The following ERICH1 variants were observed in gnomAD, a reference collection of about 807,000 sequenced individuals.
The protein encoded by ERICH1 is glutamate-rich protein 1.
ERICH1 carries 56 observed loss-of-function variants against 39.6 expected under a neutral mutation model. The ratio of observed to expected loss-of-function variants is 1.41; its 90% CI spans 1.14 to 1.77. ERICH1 has a LOEUF of 1.77. ERICH1 is among the 40% of genes most tolerant of loss of function. ERICH1 has a pLI of 0.00. For synonymous variants in ERICH1, 313 were observed against 223.6 expected (o/e 1.40, Z -3.57); for missense variants, 826 against 575.4 (o/e 1.44, Z -4.45).
At position 731,194 on chromosome 8, in the gene ERICH1, G is replaced by A. The variant is rs890362756; in HGVS notation, c.-33C>T. On this transcript the variant is annotated 5_prime_UTR_variant, in exon 1 of 6. Transcript: ENST00000262109. ...CCTGCCGCGGACCTCAGACCACGGC[G>A]CGCGGTCCTGAGCTGAGCGCCGTGC... 3 of 1,487,020 alleles carry A rather than the reference G, an allele frequency of 2.0e-6. No homozygotes were observed. The highest frequency in any genetic ancestry group is 1.8e-6 in the Non-Finnish European group (2 of 1,120,746). The allele number at this position is 1,487,020 out of a possible 1,614,324, so 92.1% of individuals were successfully genotyped here.
chr8:657,686 G>A (rs913808480), intron 3 of ERICH1, among the ~76,000 whole-genome samples: 1 of 151,682 alleles, frequency 6.6e-6, no homozygotes, highest in East Asian at 1.9e-4. Flanking sequence ...TCAGCTGAAC[G>A]CCAGGGGCGC....
chr8:692,634 AC>A, intron 2 of ERICH1, 22 bp from the exon 3 acceptor site: 1 of 1,557,810 alleles, frequency 6.4e-7, no homozygotes, highest in Non-Finnish European at 8.7e-7. Flanking sequence ...GAGGAAAATA[AC>A]AGGAACTGGT....
At chr8:675,369 GCCCCTCGTGAGGACAGAGACGCGGCGC>G (rs1804505993) in intron 3 of ERICH1, among the ~76,000 whole-genome samples, 1 of 2,818 alleles carries the variant, frequency 3.5e-4, no homozygotes, top group African/African-American at 1.5e-3. Context: ...AGACGCGGCG[GCCCCTCGTGAGGACAGAGACGCGGCGC>G]CCCCTCGGCG....
At chr8:703,772 C>T (rs374730000) in intron 2 of ERICH1, among the ~76,000 whole-genome samples, 1 of 152,080 alleles carries the variant, frequency 6.6e-6, no homozygotes, top group African/African-American at 2.4e-5. Context: ...ATAAAAAATC[C>T]GGGAGAAGAT....
chr8:701,457 G>A (rs1200931995), intron 2 of ERICH1, among the ~76,000 whole-genome samples: 1 of 152,242 alleles, frequency 6.6e-6, no homozygotes, highest in Non-Finnish European at 1.5e-5. Context: ...CACGCCGTAG[G>A]ATGGGAGCAT....
chr8:636,022 A>T (rs1431384633), intron 3 of ERICH1, among the ~76,000 whole-genome samples: 2 of 152,224 alleles, frequency 1.3e-5, no homozygotes, highest in African/African-American at 2.4e-5. Context: ...TGCCAGGGCC[A>T]CCTGGTGCAA....
At chr8:667,645 C>G (rs146043398) in intron 5 of ERICH1, 1 of 153,258 alleles carries the variant, frequency 6.5e-6, no homozygotes, top group Admixed American at 6.5e-5. Flanking sequence ...GAAGGCAGCT[C>G]CTCCAGCACC....
intron 3 of ERICH1, among the ~76,000 whole-genome samples, chr8:637,850 G>C (rs553831099): frequency 5.3e-5 from 8 of 152,344 alleles, no homozygotes; most frequent in African/African-American, 9.6e-5. Context: ...CCGTGCGAGA[G>C]CACAGCAGCC....
intron 3 of ERICH1, among the ~76,000 whole-genome samples, chr8:619,261 C>T (rs889858608): frequency 3.3e-5 from 5 of 152,264 alleles, no homozygotes; most frequent in East Asian, 1.9e-4. Context: ...CGTGACCCAT[C>T]GCGCACAAGG....
At chr8:668,239 CAG>C (rs1430119939) in intron 5 of ERICH1, 3 of 318,546 alleles carry the variant, frequency 9.4e-6, no homozygotes, top group Non-Finnish European at 1.8e-5. Context: ...AATAAGGTAC[CAG>C]AGAGTTGGAG....
chr8:721,081 A>G (rs1334556370), intron 1 of ERICH1, among the ~76,000 whole-genome samples: 1 of 152,250 alleles, frequency 6.6e-6, no homozygotes, highest in East Asian at 1.9e-4. Flanking sequence ...ATGATCTCAA[A>G]TAGATGTCAA....
chr8:621,770 A>G (rs1370070514), intron 3 of ERICH1, among the ~76,000 whole-genome samples: 1 of 152,204 alleles, frequency 6.6e-6, no homozygotes, highest in Non-Finnish European at 1.5e-5. Context: ...TTATAAAATA[A>G]TGACCTTATA....
At chr8:630,962 C>A (rs1797995539) in intron 3 of ERICH1, among the ~76,000 whole-genome samples, 1 of 147,504 alleles carries the variant, frequency 6.8e-6, no homozygotes, top group East Asian at 2.1e-4. Flanking sequence ...CCTGTGAGCA[C>A]CCCACATGGA....
At chr8:692,344 C>G in intron 3 of ERICH1, 134 bp downstream of exon 3, 1 of 1,277,568 alleles carries the variant, frequency 7.8e-7, no homozygotes, top group Non-Finnish European at 1.1e-6. Context: ...CCATGTGGTT[C>G]ATTATACAGT....
intron 1 of ERICH1, among the ~76,000 whole-genome samples, chr8:717,845 G>A (rs531028105): frequency 7.2e-5 from 11 of 152,336 alleles, no homozygotes; most frequent in South Asian, 2.1e-4. Flanking sequence ...GCTGCAGAAC[G>A]CCTGAGGCTG....
intron 3 of ERICH1, among the ~76,000 whole-genome samples, chr8:617,893 G>A (rs1669654): frequency 0.18 from 26,096 of 144,156 alleles, 2,206 homozygotes; most frequent in East Asian, 0.3. Context: ...CCCTCTGAGT[G>A]CTCGGTACTT....
chr8:721,491 C>A (rs1203156037), intron 1 of ERICH1, among the ~76,000 whole-genome samples: 1 of 152,180 alleles, frequency 6.6e-6, no homozygotes, highest in Non-Finnish European at 1.5e-5. Context: ...GAGCGTGCGG[C>A]CCCCACACAC....
At chr8:625,870 G>A (rs1309048788) in intron 3 of ERICH1, 1 of 152,252 alleles carries the variant, frequency 6.6e-6, no homozygotes, top group Non-Finnish European at 1.5e-5. Context: ...GGGCTAAGAT[G>A]ATGTGATTCT....
intron 3 of ERICH1, among the ~76,000 whole-genome samples, chr8:655,607 T>A (rs1800541617): frequency 6.6e-6 from 1 of 152,090 alleles, no homozygotes; most frequent in African/African-American, 2.4e-5. Context: ...GGGGCATGTG[T>A]GGCCTTTTCT....
Sources: gnomAD v4.1 joint callset for allele counts (sites outside exome capture counted in the v4.1 genomes callset) on GRCh38, gnomAD v4.1.1 for gene constraint, MANE v1.5 for transcripts, NCBI Gene and HGNC (gene_info 2026-07-23, HGNC 2026-07-21) for gene names.